The following SAMD5 variants were observed in gnomAD, a reference collection of about 807,000 sequenced individuals.
SAMD5 encodes the protein sterile alpha motif domain-containing protein 5.
Under a neutral mutation model 11.3 loss-of-function variants are expected in SAMD5, and 13 were observed. That is an observed-to-expected ratio of 1.15 (90% CI 0.75 to 1.83). The LOEUF is 1.83. Ranked by LOEUF, SAMD5 falls within the 40% of genes most tolerant of loss-of-function variation. The probability of loss-of-function intolerance (pLI) is 0.00; values close to 1 mark genes in which losing one functional copy is unlikely to be tolerated. For missense variants in SAMD5, 255 were observed against 239.1 expected (o/e 1.07, Z -0.44); for synonymous variants, 129 against 111.3 (o/e 1.16, Z -1.00).
rs931516000 is a variant in SAMD5, at chr6:147,724,970, T to A, written c.163-12347T>A. 2.0e-5 allele frequency among the ~76,000 whole-genome samples: 3 copies of A among 152,184 alleles called. No homozygotes were observed. In the East Asian group the frequency reaches 5.8e-4, roughly 29 times the overall value. ...TGAGTTTATTGCAGATTTTGTTGCA[T>A]CTACAACTAGTGTCAGAACCTTCAA... On this transcript the variant is annotated intron_variant, in intron 1 of 1. Transcript: ENST00000566741.
the SAMD5 span, among the ~76,000 whole-genome samples, chr6:147,859,272 T>G: frequency 6.6e-6 from 1 of 152,176 alleles, no homozygotes; most frequent in African/African-American, 2.4e-5. Flanking sequence ...TTGTCCTGGT[T>G]AGGGCTGAAT....
At chr6:147,684,168 A>G (rs960561156) in intron 1 of SAMD5, among the ~76,000 whole-genome samples, 1 of 151,998 alleles carries the variant, frequency 6.6e-6, no homozygotes, top group African/African-American at 2.4e-5. Context: ...AGTTCTTCCT[A>G]TGATTGAGCT....
chr6:147,904,764 C>T, the SAMD5 span, among the ~76,000 whole-genome samples: 4 of 152,126 alleles, frequency 2.6e-5, no homozygotes, highest in East Asian at 1.9e-4. Context: ...CCCTTTTCCC[C>T]GTCACATACT....
chr6:147,647,659 G>A (rs573112404), intron 1 of SAMD5, among the ~76,000 whole-genome samples: 86 of 152,274 alleles, frequency 5.6e-4, no homozygotes, highest in African/African-American at 2.1e-3. Flanking sequence ...AACACTTTGA[G>A]AGTATTAGTT....
chr6:147,678,436 A>G (rs1288983120), intron 1 of SAMD5, among the ~76,000 whole-genome samples: 1 of 152,140 alleles, frequency 6.6e-6, no homozygotes. Flanking sequence ...AAGGGGTTGC[A>G]TTTTTTCAGC....
At chr6:147,614,634 G>A (rs1789838966) in intron 1 of SAMD5, among the ~76,000 whole-genome samples, 2 of 151,964 alleles carry the variant, frequency 1.3e-5, no homozygotes, top group African/African-American at 2.4e-5. Flanking sequence ...CTAATCTGTG[G>A]TGTAGGAAGC....
At chr6:147,740,687 G>A (rs1489821119), downstream of SAMD5, among the ~76,000 whole-genome samples, 3 of 152,078 alleles carry the variant, frequency 2.0e-5, no homozygotes, top group Non-Finnish European at 4.4e-5. Flanking sequence ...CAGGAAAAAC[G>A]AGGCCATTCT....
chr6:147,827,939 A>G, the SAMD5 span, among the ~76,000 whole-genome samples: 7 of 147,236 alleles, frequency 4.8e-5, no homozygotes, highest in African/African-American at 7.5e-5. Flanking sequence ...ACAGGCACCC[A>G]CCACCACTCC....
chr6:147,581,166 A>G (rs1789291589), intron 1 of SAMD5, among the ~76,000 whole-genome samples: 1 of 152,184 alleles, frequency 6.6e-6, no homozygotes, highest in Admixed American at 6.5e-5. Context: ...GGGACGAAGG[A>G]GAAGGAGCAG....
chr6:147,775,662 T>C, the SAMD5 span, among the ~76,000 whole-genome samples: 12 of 152,150 alleles, frequency 7.9e-5, no homozygotes, highest in Non-Finnish European at 1.5e-4. Flanking sequence ...CAGGAGTCAG[T>C]TGGGAAATGG....
At chr6:147,647,948 A>G (rs1790429402) in intron 1 of SAMD5, among the ~76,000 whole-genome samples, 1 of 152,190 alleles carries the variant, frequency 6.6e-6, no homozygotes, top group South Asian at 2.1e-4. Context: ...ACTACAAGAG[A>G]TTAAGTAAAT....
the SAMD5 span, among the ~76,000 whole-genome samples, chr6:147,759,192 G>C: frequency 6.6e-6 from 1 of 152,184 alleles, no homozygotes; most frequent in Non-Finnish European, 1.5e-5. Context: ...GCATGCCTCT[G>C]AGTGATAGAT....
At chr6:147,662,827 T>C (rs1790666238) in intron 1 of SAMD5, among the ~76,000 whole-genome samples, 1 of 152,224 alleles carries the variant, frequency 6.6e-6, no homozygotes, top group South Asian at 2.1e-4. Flanking sequence ...CATAATTGGC[T>C]ACATGTACTA....
At chr6:147,669,018 G>A (rs890911634) in intron 1 of SAMD5, among the ~76,000 whole-genome samples, 7 of 152,144 alleles carry the variant, frequency 4.6e-5, no homozygotes, top group Non-Finnish European at 8.8e-5. Context: ...GCCCGATCTT[G>A]GTGGCTGCTG....
chr6:147,634,135 G>A (rs572065307), intron 1 of SAMD5, among the ~76,000 whole-genome samples: 1 of 152,232 alleles, frequency 6.6e-6, no homozygotes, highest in South Asian at 2.1e-4. Flanking sequence ...TTTAAGGTCT[G>A]TGTTAGTCCA....
intron 1 of SAMD5, among the ~76,000 whole-genome samples, chr6:147,576,624 T>C (rs78034291): frequency 0.015 from 2,306 of 152,280 alleles, 53 homozygotes; most frequent in African/African-American, 0.052. Context: ...TCAAGGCAAG[T>C]TATGTACAAG....
At chr6:147,753,758 G>A in the SAMD5 span, among the ~76,000 whole-genome samples, 2 of 150,814 alleles carry the variant, frequency 1.3e-5, no homozygotes, top group Non-Finnish European at 2.9e-5. Context: ...CTATGTCCAT[G>A]AGTTCAACAG....
At chr6:147,913,953 T>C in the SAMD5 span, among the ~76,000 whole-genome samples, 439 of 152,304 alleles carry the variant, frequency 2.9e-3, 4 homozygotes, top group Non-Finnish European at 4.8e-3. Flanking sequence ...CATCCAGATC[T>C]TGGTCTTTCA....
the SAMD5 span, among the ~76,000 whole-genome samples, chr6:147,784,197 G>A: frequency 2.3e-5 from 3 of 132,636 alleles, no homozygotes; most frequent in African/African-American, 3.2e-5. Flanking sequence ...TTAAATTAAG[G>A]GAATTTTTTT....
Sources: allele counts gnomAD v4.1 joint callset (sites outside exome capture counted in the v4.1 genomes callset), GRCh38; gene constraint gnomAD v4.1.1; transcripts MANE v1.5; gene names NCBI Gene and HGNC (gene_info 2026-07-23, HGNC 2026-07-21).